Variants in SLC45A1 observed in about 807,000 individuals in gnomAD.
SLC45A1 encodes the protein proton-associated sugar transporter A.
Under a neutral mutation model 57.6 loss-of-function variants are expected in SLC45A1, and 28 were observed. The ratio of observed to expected loss-of-function variants is 0.49; its 90% CI spans 0.36 to 0.67. The LOEUF is 0.67. Ranked by LOEUF, SLC45A1 falls within the 30% of genes least tolerant of loss-of-function variation. The pLI is 0.00. For missense variants in SLC45A1, 814 were observed against 1,041.5 expected, an observed-to-expected ratio of 0.78 and a Z score of 3.01; for synonymous variants, 459 against 471.5, an observed-to-expected ratio of 0.97 and a Z score of 0.34.
At chr1:8,340,246 T>C (rs1430262988) in intron 8 of SLC45A1, among the ~76,000 whole-genome samples, 2 of 150,886 alleles carry the variant, frequency 1.3e-5, no homozygotes, top group Non-Finnish European at 2.9e-5. Flanking sequence ...CACTGCAACC[T>C]CCGCCTCCCG....
intron 6 of SLC45A1, among the ~76,000 whole-genome samples, chr1:8,337,408 A>G (rs548021748): frequency 4.9e-4 from 74 of 152,166 alleles, no homozygotes; most frequent in Middle Eastern, 6.8e-3. Context: ...AAACGAACAC[A>G]ATTTTAAATT....
rs144740978 is a variant in SLC45A1 at position 8,330,219 on chromosome 1, A to G, written c.726A>G (p.Gly242=). Residue 242 remains glycine (G), a synonymous_variant, in exon 5 of 9, where the codon GGA becomes GGG. Coordinates refer to ENST00000471889, the MANE Select transcript of SLC45A1 (RefSeq NM_001080397.3). This position sits in a 1 kb window ranked among gnomAD's most constrained non-coding sequence, Gnocchi z 8.4. The stretch of plus-strand genomic sequence containing the variant: ...TGTCTCTTTCCCCAGGTCTCGGAGG[A>G]GGCTTTGGATACGTGGTCGGCGGAA... ...NIHALLAGLG[G]GFGYVVGGIH... is the part of the protein sequence containing the mutation. 153 of 1,612,530 alleles carry G rather than the reference A, an allele frequency of 9.5e-5. 3 individuals are homozygous for G. The South Asian group carries it at 1.4e-3, about 15-fold the overall frequency.
rs1428703147 is a variant in SLC45A1, at chr1:8,326,805, G to A, written c.715+763G>A. 2.6e-5 allele frequency among the ~76,000 whole-genome samples: 4 copies of A among 152,034 alleles called. No individual in the cohort carries two copies. Among genetic ancestry groups the A allele is most frequent in the South Asian group, 2.1e-4 (1 of 4,832 alleles). ...ACCAGCCTGACCAACATGGAGAAACGACATCTCTACTAAAAATACAAAAAA... is the reference window on the plus strand; with the variant it reads ...ACCAGCCTGACCAACATGGAGAAACAACATCTCTACTAAAAATACAAAAAA... On this transcript the variant is annotated intron_variant, in intron 4 of 8. Transcript: ENST00000471889. The surrounding 1 kb of genome is among the most constrained non-coding windows in gnomAD (Gnocchi z 5.5).
Position 8,343,998 on chromosome 1 carries a change from C to T in SLC45A1, c.2232C>T (p.Leu744=), listed in dbSNP as rs1400456507. Residue 744 remains leucine (L), a synonymous_variant, in exon 9 of 9, where the codon CTC becomes CTT. Transcript: ENST00000471889. The surrounding 1 kb of genome is among the most constrained non-coding windows in gnomAD (Gnocchi z 7.7). ...SDAADEEHRP[L]LLNV is the part of the protein sequence containing the mutation. ...CTGCAGACGAGGAGCACCGGCCCCTCCTGCTGAACGTCTGACATCGCGGAG... is the reference window on the plus strand; with the variant it reads ...CTGCAGACGAGGAGCACCGGCCCCTTCTGCTGAACGTCTGACATCGCGGAG... 4 of 1,608,478 alleles carry T rather than the reference C, an allele frequency of 2.5e-6. No homozygotes were observed. Among genetic ancestry groups the T allele is most frequent in the Non-Finnish European group, 3.4e-6 (4 of 1,176,260 alleles).
intron 8 of SLC45A1, among the ~76,000 whole-genome samples, chr1:8,341,106 C>T (rs1449414556): frequency 1.4e-5 from 2 of 144,298 alleles, no homozygotes; most frequent in Middle Eastern, 4.0e-3. Context: ...GCAGGAGAAT[C>T]GCTTGAATCT....
chr1:8,342,538 G>A (rs887524111), intron 8 of SLC45A1, among the ~76,000 whole-genome samples: 2 of 152,136 alleles, frequency 1.3e-5, no homozygotes, highest in Admixed American at 6.5e-5. Context: ...GCGGCCTCTC[G>A]TGTCTGGCAT....
intron 5 of SLC45A1, 141 bp downstream of exon 5, chr1:8,331,077 A>T: frequency 1.8e-6 from 2 of 1,141,442 alleles, no homozygotes; most frequent in Non-Finnish European, 1.2e-6. Flanking sequence ...CTTTGACCTA[A>T]AGAGAAAAGC....
At chr1:8,338,126 C>G in intron 7 of SLC45A1, 134 bp downstream of exon 7, 1 of 837,048 alleles carries the variant, frequency 1.2e-6, no homozygotes. Context: ...CACTGTCTTT[C>G]CCGGCTGCAG....
rs781636771 is a variant in SLC45A1 at position 8,343,115 on chromosome 1, C to T, written c.1981-632C>T. Among the ~76,000 whole-genome samples the T allele has an allele frequency of 6.6e-6, 1 of 152,154 alleles. No individual in the cohort carries two copies. Among genetic ancestry groups the T allele is most frequent in the Non-Finnish European group, 1.5e-5 (1 of 68,028 alleles). On this transcript the variant is annotated intron_variant, in intron 8 of 8. Coordinates refer to ENST00000471889, the MANE Select transcript of SLC45A1 (RefSeq NM_001080397.3). This position sits in a 1 kb window ranked among gnomAD's most constrained non-coding sequence, Gnocchi z 7.7. The stretch of plus-strand genomic sequence containing the variant: ...GAAGCCGCAGGGGAGGCCCAGGCTC[C>T]CAGGTCACAGCAATGCCCACTCACG...
intron 1 of SLC45A1, among the ~76,000 whole-genome samples, chr1:8,319,307 AG>A (rs570883567): frequency 5.6e-4 from 85 of 152,340 alleles, no homozygotes; most frequent in Middle Eastern, 3.4e-3. Flanking sequence ...AATACGCCCT[AG>A]GAAGGGAGGT....
chr1:8,343,708 G>C lies in SLC45A1; in HGVS notation c.1981-39G>C. ...CGAGCTCGGTCACCCCGTGCTGGCC[G>C]CGGCGTGTCTCGCTGACACGTTTCT... On this transcript the variant is annotated intron_variant, in intron 8 of 8. Transcript: ENST00000471889. The surrounding 1 kb of genome is among the most constrained non-coding windows in gnomAD (Gnocchi z 7.7). 6.3e-7 allele frequency: 1 copy of C among 1,581,280 alleles called. No homozygotes were observed. The highest frequency in any genetic ancestry group is 8.6e-7 in the Non-Finnish European group (1 of 1,159,092).
chr1:8,324,946 G>T (rs1434787734), intron 2 of SLC45A1, among the ~76,000 whole-genome samples: 1 of 152,158 alleles, frequency 6.6e-6, no homozygotes, highest in Non-Finnish European at 1.5e-5. Context: ...AGCTCCCCGA[G>T]GGCTGACACC....
rs183652231 is a variant in SLC45A1 at position 8,341,482 on chromosome 1, C to T, written c.1980+1784C>T. On this transcript the variant is annotated intron_variant, in intron 8 of 8. Transcript: ENST00000471889. ...TCTGGGAGGCGGAGCTTGCAGTGAGCCAAGATCGCACCACTGCACTCCAGC... is the reference window on the plus strand; with the variant it reads ...TCTGGGAGGCGGAGCTTGCAGTGAGTCAAGATCGCACCACTGCACTCCAGC... Among the ~76,000 whole-genome samples, 316 of 147,662 alleles carry T rather than the reference C, an allele frequency of 2.1e-3. 1 individual carries two copies. Among genetic ancestry groups the T allele is most frequent in the African/African-American group, 7.3e-3 (293 of 39,974 alleles).
chr1:8,332,601 T>A (rs1640450287), intron 5 of SLC45A1, among the ~76,000 whole-genome samples: 1 of 150,258 alleles, frequency 6.7e-6, no homozygotes, highest in Admixed American at 6.7e-5. Context: ...AACCTCTGCC[T>A]CCCGGGTTCA....
In SLC45A1 at chr1:8,326,546, G is replaced by C. The variant is rs116353717; in HGVS notation, c.715+504G>C. On this transcript the variant is annotated intron_variant, in intron 4 of 8. Transcript: ENST00000471889. This position sits in a 1 kb window ranked among gnomAD's most constrained non-coding sequence, Gnocchi z 5.5. Reference sequence around the variant, plus strand: ...CAAGCCTGAACGAAGCGTCACTGTCGCATGCATTTTCTGCACAAGGCACAT... The same window carrying C: ...CAAGCCTGAACGAAGCGTCACTGTCCCATGCATTTTCTGCACAAGGCACAT... Among the ~76,000 whole-genome samples the C allele has an allele frequency of 1.3e-5, 2 of 152,108 alleles. No individual in the cohort carries two copies. Among genetic ancestry groups the C allele is most frequent in the African/African-American group, 4.8e-5 (2 of 41,392 alleles).
rs1324565590 is a variant in SLC45A1, at chr1:8,335,361, C to G, written c.1444-76C>G. 1 of 1,400,276 alleles carries G rather than the reference C, an allele frequency of 7.1e-7. No individual in the cohort carries two copies. The highest frequency in any genetic ancestry group is 2.6e-5 in the East Asian group (1 of 39,082). The allele number at this position is 1,400,276 out of a possible 1,614,324, so 86.7% of individuals were successfully genotyped here. A position where few individuals can be genotyped will look rare whatever the true frequency, so the allele number is the denominator to read the frequency against. On this transcript the variant is annotated intron_variant, in intron 5 of 8. Coordinates refer to ENST00000471889, the MANE Select transcript of SLC45A1 (RefSeq NM_001080397.3). This position sits in a 1 kb window ranked among gnomAD's most constrained non-coding sequence, Gnocchi z 4.1. ...CGTGCGGTGTTTCCGAGAGCGCATT[C>G]CCCTGAGCAGAGCAGGGTCTGCGCT... is the stretch of plus-strand genomic sequence containing the variant.
In SLC45A1 at chr1:8,335,299, C is replaced by T; in HGVS notation, c.1444-138C>T. 1.2e-6 allele frequency: 1 copy of T among 829,356 alleles called. No homozygotes were observed. Among genetic ancestry groups the T allele is most frequent in the Non-Finnish European group, 1.8e-6 (1 of 560,504 alleles). The allele number at this position is 829,356 out of a possible 1,614,324, so 51.4% of individuals were successfully genotyped here. On this transcript the variant is annotated intron_variant, in intron 5 of 8. Coordinates refer to ENST00000471889, the MANE Select transcript of SLC45A1 (RefSeq NM_001080397.3). The surrounding 1 kb of genome is among the most constrained non-coding windows in gnomAD (Gnocchi z 4.1). ...CTGAGGTTGGCGTCGACACGGGGCT[C>T]ATGCCGTCAGATAAGAAGACAGACC... is the stretch of plus-strand genomic sequence containing the variant.
At chr1:8,319,166 G>C (rs1375483427) in intron 1 of SLC45A1, among the ~76,000 whole-genome samples, 1 of 152,192 alleles carries the variant, frequency 6.6e-6, no homozygotes. Flanking sequence ...TGTAATCCCA[G>C]CTACTTGGGA....
At position 8,330,602 on chromosome 1, in the gene SLC45A1, C is replaced by T. The variant is rs377250283; in HGVS notation, c.1109C>T (p.Thr370Met). ...AGCGAGTTCGCCTCATCCTTTGGCA[C>T]GGCCAACATAGACAGCGTCCTCATT... The part of the protein sequence containing the change: ...GISEFASSFG[T>M]ANIDSVLIDC... Residue 370 changes from threonine to methionine, a missense_variant, in exon 5 of 9, where the codon ACG (threonine) becomes ATG (methionine). By Grantham distance (81) the Thr-to-Met change is moderately conservative. Coordinates refer to ENST00000471889, the MANE Select transcript of SLC45A1 (RefSeq NM_001080397.3). The surrounding 1 kb of genome is among the most constrained non-coding windows in gnomAD (Gnocchi z 8.4). The T allele has an allele frequency of 2.7e-5, 43 of 1,613,508 alleles. No homozygotes were observed. The highest frequency in any genetic ancestry group is 6.7e-5 in the East Asian group (3 of 44,892).
Sources: allele counts gnomAD v4.1 joint callset (sites outside exome capture counted in the v4.1 genomes callset), GRCh38; gene constraint gnomAD v4.1.1; non-coding constraint Gnocchi (gnomAD v3.1); transcripts MANE v1.5; gene names NCBI Gene and HGNC (gene_info 2026-07-23, HGNC 2026-07-21).